RNF43: variants seen among roughly 807,000 people sequenced by gnomAD.
The protein encoded by RNF43 is ring finger protein 43, also known as E3 ubiquitin-protein ligase RNF43.
RNF43 carries 37 observed loss-of-function variants against 78.4 expected under a neutral mutation model. The observed-to-expected ratio is 0.47, with a 90% confidence interval of 0.36 to 0.62. The LOEUF is 0.62. RNF43 is among the 20% of genes least tolerant of loss of function. The probability of loss-of-function intolerance (pLI) is 0.00; values close to 1 mark genes in which losing one functional copy is unlikely to be tolerated. For synonymous variants in RNF43, 347 were observed against 395.0 expected, an observed-to-expected ratio of 0.88 and a Z score of 1.44; for missense variants, 774 against 1,007.9, an observed-to-expected ratio of 0.77 and a Z score of 3.14.
At chr17:58,370,149 A>C (rs1445792213) in intron 3 of RNF43, among the ~76,000 whole-genome samples, 1 of 146,606 alleles carries the variant, frequency 6.8e-6, no homozygotes, top group African/African-American at 2.6e-5. Context: ...GCTCACTGCA[A>C]GCTCCACCTC....
intron 2 of RNF43, among the ~76,000 whole-genome samples, chr17:58,398,616 T>C (rs1973732544): frequency 6.6e-6 from 1 of 152,204 alleles, no homozygotes; most frequent in Non-Finnish European, 1.5e-5. Flanking sequence ...AAACACATTT[T>C]CAGAAATTCC....
At chr17:58,398,255 T>C (rs1294306513) in intron 2 of RNF43, among the ~76,000 whole-genome samples, 2 of 152,242 alleles carry the variant, frequency 1.3e-5, no homozygotes, top group Non-Finnish European at 2.9e-5. Flanking sequence ...AAATACATCA[T>C]GTTGAATGAA....
chr17:58,400,251 T>G (rs892189891), intron 2 of RNF43, among the ~76,000 whole-genome samples: 18 of 152,190 alleles, frequency 1.2e-4, no homozygotes, highest in African/African-American at 4.3e-4. Context: ...TGTACTACAT[T>G]ATGGTAATAT....
At chr17:58,397,598 G>A (rs1973709714) in intron 2 of RNF43, among the ~76,000 whole-genome samples, 2 of 152,066 alleles carry the variant, frequency 1.3e-5, no homozygotes, top group Non-Finnish European at 2.9e-5. Flanking sequence ...GGGAGGCAGA[G>A]GTTACAGTGA....
rs1972796559 is a variant in RNF43, at chr17:58,360,010, G to A, written c.952+139C>T. On this transcript the variant is annotated intron_variant, in intron 8 of 9. Transcript: ENST00000407977. This position sits in a 1 kb window ranked among gnomAD's most constrained non-coding sequence, Gnocchi z 4.3. The stretch of plus-strand genomic sequence containing the variant: ...CGCTTCCCCTCGAGTGAGGCACTCT[G>A]GAGCAGTGTACAGCCCATACAACTA... The A allele has an allele frequency of 1.9e-6, 1 of 520,268 alleles. No homozygotes were observed. The highest frequency in any genetic ancestry group is 3.5e-6 in the Non-Finnish European group (1 of 284,158). The allele number at this position is 520,268 out of a possible 1,614,324, so 32.2% of individuals were successfully genotyped here. A position where few individuals can be genotyped will look rare whatever the true frequency, so the allele number is the denominator to read the frequency against.
At chr17:58,361,714 C>T (rs887685573) in intron 6 of RNF43, among the ~76,000 whole-genome samples, 1 of 152,202 alleles carries the variant, frequency 6.6e-6, no homozygotes, top group Non-Finnish European at 1.5e-5. Context: ...ACCAGCTACT[C>T]TGCCGTCTCA....
downstream of RNF43, chr17:58,353,271 T>C (rs1275081485): frequency 1.4e-5 from 3 of 218,846 alleles, no homozygotes; most frequent in Admixed American, 1.2e-4. Context: ...GAATAAAACT[T>C]TCCACTTTGG....
chr17:58,388,241 A>T (rs1973477342), intron 2 of RNF43, among the ~76,000 whole-genome samples: 1 of 152,222 alleles, frequency 6.6e-6, no homozygotes, highest in Non-Finnish European at 1.5e-5. Context: ...TCAGAGGCTA[A>T]GCCCCTTTCC....
At chr17:58,386,054 G>A (rs939319314) in intron 2 of RNF43, among the ~76,000 whole-genome samples, 8 of 152,226 alleles carry the variant, frequency 5.3e-5, no homozygotes, top group African/African-American at 1.9e-4. Context: ...AGGCTACAGC[G>A]AGCTATGACT....
intron 2 of RNF43, among the ~76,000 whole-genome samples, chr17:58,414,236 A>G (rs2254839): frequency 0.98 from 149,688 of 152,312 alleles, 73,611 homozygotes; most frequent in East Asian, 1. Flanking sequence ...ATACATGTTT[A>G]GGAATAAGTT....
intron 2 of RNF43, among the ~76,000 whole-genome samples, chr17:58,404,532 C>T (rs1973865673): frequency 6.6e-6 from 1 of 152,168 alleles, no homozygotes; most frequent in African/African-American, 2.4e-5. Context: ...AGTTTACTAA[C>T]TTTAGAGTAA....
At chr17:58,397,224 C>T (rs1157228903) in intron 2 of RNF43, among the ~76,000 whole-genome samples, 1 of 152,056 alleles carries the variant, frequency 6.6e-6, no homozygotes, top group African/African-American at 2.4e-5. Context: ...GAAGAATGTG[C>T]CATTTTTTAT....
chr17:58,366,956 G>T (rs560898189), intron 3 of RNF43, among the ~76,000 whole-genome samples: 1 of 151,468 alleles, frequency 6.6e-6, no homozygotes, highest in East Asian at 1.9e-4. Context: ...CTCCTGAGTA[G>T]CTGGGATTAC....
intron 6 of RNF43, among the ~76,000 whole-genome samples, chr17:58,361,391 A>G (rs2079642718): frequency 6.6e-6 from 1 of 152,126 alleles, no homozygotes; most frequent in Admixed American, 6.5e-5. Flanking sequence ...TCCCACAATC[A>G]ATCCATTACT....
At chr17:58,356,648 C>T (rs993265917) in intron 9 of RNF43, among the ~76,000 whole-genome samples, 2 of 152,100 alleles carry the variant, frequency 1.3e-5, no homozygotes, top group Non-Finnish European at 2.9e-5. Flanking sequence ...TGCTGGGAAC[C>T]ACCTGTGGTT....
intron 1 of RNF43, chr17:58,416,264 T>C (rs571780152): frequency 1.3e-5 from 2 of 152,630 alleles, no homozygotes; most frequent in African/African-American, 4.8e-5. Context: ...CCCACTGCAT[T>C]TACATACTTT....
Position 58,360,787 on chromosome 17 carries a change from C to T in RNF43, c.845G>A (p.Gly282Glu), listed in dbSNP as rs2143444514. 6.2e-7 allele frequency: 1 copy of T among 1,610,098 alleles called. No individual in the cohort carries two copies. Among genetic ancestry groups the T allele is most frequent in the Non-Finnish European group, 8.5e-7 (1 of 1,178,148 alleles). ...CAICLEEFSE[G>E]QELRVISCLH... ...GAACCACAAGACCTGCCTTACCTGC[C>T]CCTCAGAGAACTCCTCCAGACAGAT... The change falls in exon 7 of 10, where the codon GGG becomes GAG. Residue 282 changes from glycine to glutamate, a missense_variant. Transcript: ENST00000407977. This position sits in a 1 kb window ranked among gnomAD's most constrained non-coding sequence, Gnocchi z 4.3.
intron 6 of RNF43, 138 bp downstream of exon 6, chr17:58,362,406 G>A: frequency 1.8e-6 from 1 of 549,956 alleles, no homozygotes; most frequent in South Asian, 2.6e-5. Context: ...AATCAACAAA[G>A]ACAGACGCTG....
intron 2 of RNF43, among the ~76,000 whole-genome samples, chr17:58,390,298 T>C (rs912579853): frequency 1.3e-5 from 2 of 152,196 alleles, no homozygotes; most frequent in African/African-American, 4.8e-5. Context: ...AGTCAAGTTA[T>C]ATAAGGTAGA....
Sources: gnomAD v4.1 joint callset for allele counts (sites outside exome capture counted in the v4.1 genomes callset) on GRCh38, gnomAD v4.1.1 for gene constraint, Gnocchi (gnomAD v3.1) non-coding constraint, MANE v1.5 for transcripts, NCBI Gene and HGNC (gene_info 2026-07-23, HGNC 2026-07-21) for gene names.